ERGIC1: variants seen among roughly 807,000 people sequenced by gnomAD.
ERGIC1 encodes endoplasmic reticulum-golgi intermediate compartment 1, also known as endoplasmic reticulum-Golgi intermediate compartment protein 1.
Under a neutral mutation model 38.3 loss-of-function variants are expected in ERGIC1, and 19 were observed. The ratio of observed to expected loss-of-function variants is 0.50; its 90% CI spans 0.35 to 0.73. ERGIC1 has a LOEUF of 0.73. Ranked by LOEUF, ERGIC1 falls within the 30% of genes least tolerant of loss-of-function variation. The pLI is 0.01. For synonymous variants in ERGIC1, 124 were observed against 157.6 expected (o/e 0.79, Z 1.60); for missense variants, 294 against 389.2 (o/e 0.76, Z 2.06).
At chr5:172,877,410 ATGTGTG>A (rs34909688) in intron 1 of ERGIC1, among the ~76,000 whole-genome samples, 564 of 102,310 alleles carry the variant, frequency 5.5e-3, no homozygotes, top group African/African-American at 8.5e-3. Context: ...TATTATATAT[ATGTGTG>A]TGTGTGTGTG....
intron 1 of ERGIC1, among the ~76,000 whole-genome samples, chr5:172,858,592 C>CT (rs1761616951): frequency 6.6e-6 from 1 of 152,238 alleles, no homozygotes; most frequent in Non-Finnish European, 1.5e-5. Context: ...GGGGCCCTCA[C>CT]TGAGTCCTCT....
At chr5:172,882,724 G>A (rs1762314245) in intron 1 of ERGIC1, among the ~76,000 whole-genome samples, 1 of 152,076 alleles carries the variant, frequency 6.6e-6, no homozygotes, top group Admixed American at 6.6e-5. Flanking sequence ...TGTAGCTTTG[G>A]TCCAAATCTC....
chr5:172,897,142 T>A, intron 3 of ERGIC1, 68 bp downstream of exon 3: 1 of 1,511,958 alleles, frequency 6.6e-7, no homozygotes, highest in South Asian at 1.1e-5. Context: ...GAGGGAGGGG[T>A]CTTTGGCCAG....
At chr5:172,856,901 G>A (rs746070655) in intron 1 of ERGIC1, among the ~76,000 whole-genome samples, 31 of 152,308 alleles carry the variant, frequency 2.0e-4, no homozygotes, top group Non-Finnish European at 3.5e-4. Flanking sequence ...TCACGGTTGT[G>A]TGAAACGTAA....
intron 1 of ERGIC1, among the ~76,000 whole-genome samples, chr5:172,881,523 G>A (rs1445914723): frequency 6.6e-6 from 1 of 152,128 alleles, no homozygotes; most frequent in African/African-American, 2.4e-5. Flanking sequence ...GGGCTAGGAG[G>A]GAGTGTTTCT....
intron 1 of ERGIC1, among the ~76,000 whole-genome samples, chr5:172,869,445 G>A (rs1472556955): frequency 6.6e-6 from 1 of 152,192 alleles, no homozygotes; most frequent in African/African-American, 2.4e-5. Context: ...GGCCAAGCTG[G>A]GAGGCAAGCC....
In ERGIC1 at chr5:172,898,812, C is replaced by T. The variant is rs1385197476; in HGVS notation, c.155+1738C>T. Among the ~76,000 whole-genome samples the T allele has an allele frequency of 2.6e-5, 4 of 152,074 alleles. No homozygotes were observed. The East Asian group carries it at 7.7e-4, about 29-fold the overall frequency. ...CAGGGTTCGAAGAAGGGGTTTTATTCCCCCCAGGCCTCTAATGGGAGATGG... is the reference window on the plus strand; with the variant it reads ...CAGGGTTCGAAGAAGGGGTTTTATTTCCCCCAGGCCTCTAATGGGAGATGG... On this transcript the variant is annotated intron_variant, in intron 3 of 9. Coordinates refer to ENST00000393784, the MANE Select transcript of ERGIC1 (RefSeq NM_001031711.3).
In ERGIC1 at chr5:172,835,630, G is replaced by A. The variant is rs527865232; in HGVS notation, c.20+1197G>A. ...TCCCCTCTTCTTGCATGTGAAGGCAGTGTAAAGTGACAGTCTACCCAGAGA... is the reference window on the plus strand; with the variant it reads ...TCCCCTCTTCTTGCATGTGAAGGCAATGTAAAGTGACAGTCTACCCAGAGA... On this transcript the variant is annotated intron_variant, in intron 1 of 9. Transcript: ENST00000393784. 3.3e-5 allele frequency among the ~76,000 whole-genome samples: 5 copies of A among 152,320 alleles called. No homozygotes were observed. The South Asian group carries it at 1.0e-3, about 32-fold the overall frequency.
chr5:172,940,798 C>G (rs966302549), intron 9 of ERGIC1, among the ~76,000 whole-genome samples: 1 of 152,242 alleles, frequency 6.6e-6, no homozygotes, highest in Non-Finnish European at 1.5e-5. Flanking sequence ...AGACGTTCCT[C>G]TCTGCTGCCC....
chr5:172,921,850 C>G (rs1010347149), intron 5 of ERGIC1, among the ~76,000 whole-genome samples: 3 of 152,272 alleles, frequency 2.0e-5, no homozygotes, highest in African/African-American at 7.2e-5. Flanking sequence ...GCCTTTCGCT[C>G]TCTTCCTGAG....
intron 1 of ERGIC1, among the ~76,000 whole-genome samples, chr5:172,857,079 T>C (rs1761567495): frequency 6.6e-6 from 1 of 152,192 alleles, no homozygotes; most frequent in Admixed American, 6.5e-5. Context: ...CAGTAGACCT[T>C]AGGAACATGA....
intron 5 of ERGIC1, chr5:172,915,659 C>G: frequency 2.1e-6 from 1 of 470,998 alleles, no homozygotes; most frequent in East Asian, 6.9e-5. Context: ...TGGAGCCTCT[C>G]AACAACGCTG....
At chr5:172,898,126 C>T in intron 3 of ERGIC1, 1 of 378,734 alleles carries the variant, frequency 2.6e-6, no homozygotes, top group Non-Finnish European at 4.7e-6. Flanking sequence ...CCTGGCCACC[C>T]ACTCTCCTGC....
intron 3 of ERGIC1, 118 bp from the exon 4 acceptor site, chr5:172,909,549 G>A: frequency 4.5e-6 from 4 of 882,252 alleles, no homozygotes; most frequent in South Asian, 4.3e-5. Context: ...GCTCTGCCCA[G>A]GTGGAGTCTG....
intron 5 of ERGIC1, among the ~76,000 whole-genome samples, chr5:172,919,183 G>A (rs190143354): frequency 3.9e-5 from 6 of 152,312 alleles, no homozygotes; most frequent in Admixed American, 1.3e-4. Context: ...TAAAGCAGCC[G>A]TGAAGAGAAT....
chr5:172,932,130 AT>A (rs1581583653), intron 7 of ERGIC1, among the ~76,000 whole-genome samples: 1 of 152,158 alleles, frequency 6.6e-6, no homozygotes, highest in Non-Finnish European at 1.5e-5. Flanking sequence ...AAGTGCTGGG[AT>A]TACAGGCGTG....
In ERGIC1 at chr5:172,847,478, C is replaced by T. The variant is rs987476080; in HGVS notation, c.20+13045C>T. ...CTGCTACTATCATCATAATTTTTGG[C>T]AGATTCCTAAACAGCATGTGATATA... On this transcript the variant is annotated intron_variant, in intron 1 of 9. Transcript: ENST00000393784. Among the ~76,000 whole-genome samples the T allele has an allele frequency of 6.6e-5, 10 of 152,222 alleles. No individual in the cohort carries two copies. In the East Asian group the frequency reaches 1.5e-3, roughly 23 times the overall value.
intron 1 of ERGIC1, among the ~76,000 whole-genome samples, chr5:172,857,717 C>T (rs1194645169): frequency 2.0e-5 from 3 of 151,972 alleles, no homozygotes; most frequent in African/African-American, 7.3e-5. Flanking sequence ...CCCCAGGACC[C>T]CAGGCACCCC....
rs546578701 is a variant in ERGIC1, at chr5:172,843,078, G to A, written c.20+8645G>A. Among the ~76,000 whole-genome samples, 13 of 152,296 alleles carry A rather than the reference G, an allele frequency of 8.5e-5. No homozygotes were observed. In the South Asian group the frequency reaches 1.2e-3, roughly 15 times the overall value. On this transcript the variant is annotated intron_variant, in intron 1 of 9. Transcript: ENST00000393784. Reference sequence around the variant, plus strand: ...AGAATTGCTTGAACCTCCGGGAGGCGGAGGTTGCAGTGAGCCGAGATTGTG... The same window carrying A: ...AGAATTGCTTGAACCTCCGGGAGGCAGAGGTTGCAGTGAGCCGAGATTGTG...
Sources: gnomAD v4.1 joint callset for allele counts (sites outside exome capture counted in the v4.1 genomes callset) on GRCh38, gnomAD v4.1.1 for gene constraint, MANE v1.5 for transcripts, NCBI Gene and HGNC (gene_info 2026-07-23, HGNC 2026-07-21) for gene names.